Variants in NTS observed in about 807,000 individuals in gnomAD.
NTS encodes the protein neurotensin/neuromedin N.
NTS carries 20 observed loss-of-function variants against 19.5 expected under a neutral mutation model. The ratio of observed to expected loss-of-function variants is 1.02; its 90% CI spans 0.72 to 1.49. NTS has a LOEUF of 1.49. Ranked by LOEUF, NTS falls within the 40% of genes most tolerant of loss-of-function variation. The pLI, the probability that NTS is intolerant of heterozygous loss-of-function variation, is 0.00. For synonymous variants in NTS, 71 were observed against 63.3 expected (o/e 1.12, Z -0.58); for missense variants, 215 against 193.1 (o/e 1.11, Z -0.67).
At chr12:85,880,429 G>A in intron 3 of NTS, among the ~76,000 whole-genome samples, 1 of 152,016 alleles carries the variant, frequency 6.6e-6, no homozygotes, top group East Asian at 1.9e-4. Flanking sequence ...TTTATATTCT[G>A]GATTTACACT....
Position 85,878,411 on chromosome 12 carries a change from T to G in NTS, c.202T>G (p.Leu68Val), listed in dbSNP as rs1242746399. Residue 68 changes from leucine (L) to valine (V), a missense_variant, in exon 3 of 4, where the codon TTG (leucine) becomes GTG (valine). By Grantham distance (32) the Leu-to-Val change is conservative (BLOSUM62 1). Coordinates refer to ENST00000256010, the MANE Select transcript of NTS (RefSeq NM_006183.5). The part of the protein sequence containing the change: ...LLNVCSLVNN[L>V]NSPAEETGEV... ...AAATGTTTGCAGTCTTGTAAATAAT[T>G]TGAACAGCCCAGCTGAGGAAACAGG... is the stretch of plus-strand genomic sequence containing the variant. 6.2e-7 allele frequency: 1 copy of G among 1,613,542 alleles called. No individual in the cohort carries two copies.
Position 85,882,413 on chromosome 12 carries a change from T to C in NTS, c.*38T>C, listed in dbSNP as rs1419639796. ...TTTATTTACATGTGATTGTGATTCA[T>C]CATCCCTTAATTAAATATCAAATTA... On this transcript the variant is annotated 3_prime_UTR_variant, in exon 4 of 4. Transcript: ENST00000256010. The C allele has an allele frequency of 7.2e-7, 1 of 1,381,244 alleles. No individual in the cohort carries two copies. The highest frequency in any genetic ancestry group is 2.5e-5 in the East Asian group (1 of 40,790). 85.6% of individuals were successfully genotyped at this position (1,381,244 alleles called of 1,614,324 possible).
At chr12:85,879,963 T>TA (rs910599786) in intron 3 of NTS, among the ~76,000 whole-genome samples, 2 of 149,126 alleles carry the variant, frequency 1.3e-5, no homozygotes, top group Admixed American at 1.3e-4. Flanking sequence ...TTGCAGTTTT[T>TA]ACCATCAAAA....
rs1800832 is a variant in NTS at position 85,874,401 on chromosome 12, A to G, written c.-3A>G. Reference sequence around the variant, plus strand: ...CGGACTTGGCTTGTTAGAAGGCTGAAAGATGATGGCAGGAATGAAAATCCA... The same window carrying G: ...CGGACTTGGCTTGTTAGAAGGCTGAGAGATGATGGCAGGAATGAAAATCCA... On this transcript the variant is annotated 5_prime_UTR_variant, in exon 1 of 4. Coordinates refer to ENST00000256010, the MANE Select transcript of NTS (RefSeq NM_006183.5). The G allele has an allele frequency of 0.095, 152,671 of 1,609,968 alleles. 8,342 individuals carry two copies. Among genetic ancestry groups the G allele is most frequent in the Middle Eastern group, 0.18 (1,108 of 6,044 alleles).
At position 85,882,530 on chromosome 12, in the gene NTS, A is replaced by G; in HGVS notation, c.*155A>G. 1.7e-6 allele frequency: 1 copy of G among 578,430 alleles called. No individual in the cohort carries two copies. Among genetic ancestry groups the G allele is most frequent in the Middle Eastern group, 4.7e-4 (1 of 2,150 alleles). 35.8% of individuals were successfully genotyped at this position (578,430 alleles called of 1,614,324 possible). Reference sequence around the variant, plus strand: ...ATTTTTCTGCACTAATATAAATTAGACTAAGTGTTTTCAAATAAATCTAAA... The same window carrying G: ...ATTTTTCTGCACTAATATAAATTAGGCTAAGTGTTTTCAAATAAATCTAAA... On this transcript the variant is annotated 3_prime_UTR_variant, in exon 4 of 4. Coordinates refer to ENST00000256010, the MANE Select transcript of NTS (RefSeq NM_006183.5).
rs755107602 is a variant in NTS, at chr12:85,882,222, G to T, written c.361-1G>T. 6.3e-7 allele frequency: 1 copy of T among 1,586,886 alleles called. No individual in the cohort carries two copies. The highest frequency in any genetic ancestry group is 1.2e-5 in the South Asian group (1 of 86,642). The stretch of plus-strand genomic sequence containing the variant: ...TCACTTATTTTATCTCTATCTTGCA[G>T]TTAATCCAGGAAGATATTCTTGATA... On this transcript the variant is annotated splice_acceptor_variant, in intron 3 of 3. Coordinates refer to ENST00000256010, the MANE Select transcript of NTS (RefSeq NM_006183.5). LOFTEE classifies it high-confidence loss of function.
In NTS at chr12:85,879,016, T is replaced by C. The variant is rs1565770506; in HGVS notation, c.360+447T>C. ...ACATAAATATTTGTATTTAAATATA[T>C]TAGGCAAATAAAAATATATTTTTAT... is the stretch of plus-strand genomic sequence containing the variant. On this transcript the variant is annotated intron_variant, in intron 3 of 3. Transcript: ENST00000256010. 3.3e-5 allele frequency among the ~76,000 whole-genome samples: 5 copies of C among 150,396 alleles called. No homozygotes were observed. The South Asian group carries it at 1.0e-3, about 31-fold the overall frequency.
intron 3 of NTS, among the ~76,000 whole-genome samples, chr12:85,881,057 C>G (rs1039622912): frequency 2.0e-5 from 3 of 152,108 alleles, no homozygotes; most frequent in African/African-American, 7.2e-5. Context: ...CCTCAGTAAA[C>G]TATTATGTAG....
intron 1 of NTS, 21 bp from the exon 2 acceptor site, chr12:85,876,619 C>G: frequency 6.7e-7 from 1 of 1,502,198 alleles, no homozygotes; most frequent in Non-Finnish European, 9.1e-7. Flanking sequence ...TTATAGTAAA[C>G]CTGATTTTGA....
chr12:85,876,074 GAGGATACATAATTTTGAATTCTCTT>G (rs1881335272), intron 1 of NTS, among the ~76,000 whole-genome samples: 1 of 151,808 alleles, frequency 6.6e-6, no homozygotes, highest in Non-Finnish European at 1.5e-5. Context: ...TGAAAAAATT[GAGGATACATAATTTTGAATTCTCTT>G]AAAGTACAAT....
chr12:85,879,473 T>A lies in NTS; in HGVS notation c.360+904T>A, dbSNP rs1309123046. On this transcript the variant is annotated intron_variant, in intron 3 of 3. Coordinates refer to ENST00000256010, the MANE Select transcript of NTS (RefSeq NM_006183.5). ...TTATGTATATTTTATGTATATTTTA[T>A]GTATATTTTATGTATATTTTATGTA... is the stretch of plus-strand genomic sequence containing the variant. Among the ~76,000 whole-genome samples, 17 of 73,456 alleles carry A rather than the reference T, an allele frequency of 2.3e-4. 3 individuals are homozygous for A. Among genetic ancestry groups the A allele is most frequent in the Non-Finnish European group, 4.5e-4 (16 of 35,920 alleles). 48.2% of individuals were successfully genotyped at this position (73,456 alleles called of 152,430 possible).
In NTS at chr12:85,882,273, A is replaced by T; in HGVS notation, c.411A>T (p.Glu137Asp). ...LDTGNDKNGK[E>D]EVIKRKIPYI... ...CTGGAAATGACAAAAATGGAAAGGA[A>T]GAAGTCATAAAGAGAAAAATTCCTT... Residue 137 changes from glutamate to aspartate, a missense_variant, in exon 4 of 4, where the codon GAA (glutamate) becomes GAT (aspartate). Transcript: ENST00000256010. The T allele has an allele frequency of 6.2e-7, 1 of 1,608,568 alleles. No homozygotes were observed. Among genetic ancestry groups the T allele is most frequent in the Non-Finnish European group, 8.5e-7 (1 of 1,177,388 alleles).
intron 2 of NTS, 138 bp downstream of exon 2, chr12:85,876,839 A>AG (rs1315508925): frequency 2.3e-6 from 1 of 431,540 alleles, no homozygotes; most frequent in Non-Finnish European, 4.1e-6. Context: ...TTGAAAAAAA[A>AG]AATTTCTTTT....
At chr12:85,874,537 G>A in intron 1 of NTS, 61 bp downstream of exon 1, 1 of 1,153,818 alleles carries the variant, frequency 8.7e-7, no homozygotes. Context: ...TTTGCAGTGT[G>A]TTGCTACTTA....
intron 2 of NTS, chr12:85,877,983 T>A (rs757447232): frequency 6.4e-6 from 1 of 156,102 alleles, no homozygotes; most frequent in Admixed American, 6.5e-5. Flanking sequence ...CTCCATTACA[T>A]GTTAAGCTGA....
rs992021496 is a variant in NTS, at chr12:85,874,483, A to C, written c.73+7A>C. On this transcript the variant is annotated splice_region_variant and intron_variant, in intron 1 of 3. Transcript: ENST00000256010. The stretch of plus-strand genomic sequence containing the variant: ...TCCTGGAGTCTGTGCTCAGGTAAGC[A>C]AAACAGAATTTCACAACTCCCTGAA... 6.2e-7 allele frequency: 1 copy of C among 1,602,614 alleles called. No homozygotes were observed. The highest frequency in any genetic ancestry group is 1.7e-4 in the Middle Eastern group (1 of 6,036).
chr12:85,882,498 G>A lies in NTS; in HGVS notation c.*123G>A, dbSNP rs1238747655. ...GTCTCTTCTACAATTGTGGTTTATTGAATGTGATTTTTCTGCACTAATATA... is the reference window on the plus strand; with the variant it reads ...GTCTCTTCTACAATTGTGGTTTATTAAATGTGATTTTTCTGCACTAATATA... On this transcript the variant is annotated 3_prime_UTR_variant, in exon 4 of 4. Coordinates refer to ENST00000256010, the MANE Select transcript of NTS (RefSeq NM_006183.5). 17 of 782,414 alleles carry A rather than the reference G, an allele frequency of 2.2e-5. No individual in the cohort carries two copies. The East Asian group carries it at 4.6e-4, about 21-fold the overall frequency. 48.5% of individuals were successfully genotyped at this position (782,414 alleles called of 1,614,324 possible).
At chr12:85,874,538 T>C in intron 1 of NTS, 62 bp downstream of exon 1, 1 of 1,139,106 alleles carries the variant, frequency 8.8e-7, no homozygotes, top group South Asian at 1.3e-5. Flanking sequence ...TTGCAGTGTG[T>C]TGCTACTTAT....
At chr12:85,881,482 T>C (rs1194328357) in intron 3 of NTS, among the ~76,000 whole-genome samples, 1 of 152,144 alleles carries the variant, frequency 6.6e-6, no homozygotes, top group Non-Finnish European at 1.5e-5. Flanking sequence ...GCCATATTCT[T>C]AGAAAAAAAA....
Sources: allele counts gnomAD v4.1 joint callset (sites outside exome capture counted in the v4.1 genomes callset), GRCh38; gene constraint gnomAD v4.1.1; transcripts MANE v1.5; gene names NCBI Gene and HGNC (gene_info 2026-07-23, HGNC 2026-07-21).